The following CAPN13 variants were observed in gnomAD, a reference collection of about 807,000 sequenced individuals.
CAPN13 encodes calpain 13.
In CAPN13, 90 loss-of-function variants were observed where a neutral mutation model predicts 98.4. The ratio of observed to expected loss-of-function variants is 0.92; its 90% confidence interval spans 0.77 to 1.09. The LOEUF (loss-of-function observed/expected upper bound fraction) is 1.09. Ranked by LOEUF, CAPN13 falls within the 50% of genes least tolerant of loss-of-function variation. The pLI, the probability that CAPN13 is intolerant of heterozygous loss-of-function variation, is 0.00. For synonymous variants in CAPN13, 330 were observed against 305.5 expected, an observed-to-expected ratio of 1.08 and a Z score of -0.84; for missense variants, 887 against 841.3, an observed-to-expected ratio of 1.05 and a Z score of -0.67.
chr2:30,799,764 G>A (rs757096003), intron 1 of CAPN13, among the ~76,000 whole-genome samples: 1 of 152,122 alleles, frequency 6.6e-6, no homozygotes, highest in Non-Finnish European at 1.5e-5. Flanking sequence ...AACCTCTCTC[G>A]TGTCTTCAGA....
intron 5 of CAPN13, among the ~76,000 whole-genome samples, chr2:30,767,371 A>C (rs994504138): frequency 6.6e-6 from 1 of 152,200 alleles, no homozygotes; most frequent in African/African-American, 2.4e-5. Context: ...TAAGCAGTAG[A>C]ATGCGGATGC....
At chr2:30,776,596 G>C (rs1273339239) in intron 3 of CAPN13, among the ~76,000 whole-genome samples, 2 of 152,164 alleles carry the variant, frequency 1.3e-5, no homozygotes, top group Non-Finnish European at 2.9e-5. Flanking sequence ...ACTGATTCGC[G>C]TTTTTCTTTG....
intron 9 of CAPN13, 121 bp downstream of exon 9, chr2:30,754,169 C>T (rs1672319790): frequency 4.5e-6 from 3 of 674,110 alleles, no homozygotes; most frequent in African/African-American, 3.8e-5. Context: ...AAATAGGCTC[C>T]CTCTAAACAG....
At chr2:30,805,970 G>A (rs1349893569) in intron 1 of CAPN13, among the ~76,000 whole-genome samples, 2 of 151,932 alleles carry the variant, frequency 1.3e-5, no homozygotes, top group Non-Finnish European at 2.9e-5. Flanking sequence ...TGTAGAGACA[G>A]GGTTTCACCA....
chr2:30,746,662 T>C (rs578037421), intron 11 of CAPN13: 4 of 205,710 alleles, frequency 1.9e-5, no homozygotes, highest in South Asian at 1.6e-4. Flanking sequence ...AATGGATCAA[T>C]GAGGATAACC....
In CAPN13 at chr2:30,741,342, A is replaced by G. The variant is rs1208978934; in HGVS notation, c.1536+566T>C. 4 of 970,598 alleles carry G rather than the reference A, an allele frequency of 4.1e-6. No individual in the cohort carries two copies. In the Admixed American group the frequency reaches 1.8e-4, roughly 44 times the overall value. 60.1% of individuals were successfully genotyped at this position (970,598 alleles called of 1,614,324 possible). A position where few individuals can be genotyped will look rare whatever the true frequency, so the allele number is the denominator to read the frequency against. ...CGGCAGGGTAGAGATGATCATCGGT[A>G]TCACTTTCCACTTTCCACACTAACA... is the stretch of plus-strand genomic sequence containing the variant. On this transcript the variant is annotated intron_variant, in intron 15 of 22. Transcript: ENST00000295055.
At chr2:30,784,434 T>C (rs546925118) in intron 2 of CAPN13, among the ~76,000 whole-genome samples, 2 of 152,334 alleles carry the variant, frequency 1.3e-5, no homozygotes, top group African/African-American at 4.8e-5. Context: ...TAGACTGTGC[T>C]AGACACTATT....
At chr2:30,795,055 T>C (rs965470649) in intron 1 of CAPN13, among the ~76,000 whole-genome samples, 2 of 152,044 alleles carry the variant, frequency 1.3e-5, no homozygotes, top group Non-Finnish European at 2.9e-5. Context: ...TTAAATGCTA[T>C]ATATAATTTA....
Position 30,748,164 on chromosome 2 carries a change from T to C in CAPN13, c.1237-2430A>G, listed in dbSNP as rs144896136. On this transcript the variant is annotated intron_variant, in intron 11 of 22. Transcript: ENST00000295055. ...GAAGAGTTGGCTGAGATGTTTCTAG[T>C]AGGCCTCTTTGGTGCTTGACCTGGT... is the stretch of plus-strand genomic sequence containing the variant. 2.0e-5 allele frequency among the ~76,000 whole-genome samples: 3 copies of C among 152,340 alleles called. No homozygotes were observed. The East Asian group carries it at 5.8e-4, about 29-fold the overall frequency.
chr2:30,754,269 T>G, intron 9 of CAPN13, 21 bp downstream of exon 9: 1 of 1,574,462 alleles, frequency 6.4e-7, no homozygotes. Context: ...TAAAACACCA[T>G]TGTATAAGAA....
At position 30,741,976 on chromosome 2, in the gene CAPN13, G is replaced by A. The variant is rs1271570554; in HGVS notation, c.1480-12C>T. ...TCTGAAGGGCTTCCCTGGATCAAAG[G>A]GAAAATAGTCAATGTTAGACTTCTG... is the stretch of plus-strand genomic sequence containing the variant. On this transcript the variant is annotated splice_polypyrimidine_tract_variant and intron_variant, in intron 14 of 22. Coordinates refer to ENST00000295055, the MANE Select transcript of CAPN13 (RefSeq NM_144575.3). The A allele has an allele frequency of 6.2e-7, 1 of 1,612,702 alleles. No homozygotes were observed. Among genetic ancestry groups the A allele is most frequent in the Non-Finnish European group, 8.5e-7 (1 of 1,178,846 alleles).
chr2:30,796,129 C>CAT lies in CAPN13; in HGVS notation c.-32-8774_-32-8773dup, dbSNP rs1313779556. The stretch of plus-strand genomic sequence containing the variant: ...TCCTTACTTTGCAGGAAGAGAATTA[C>CAT]ATATATATATGTGTGTATATATATA... On this transcript the variant is annotated intron_variant, in intron 1 of 22. Coordinates refer to ENST00000295055, the MANE Select transcript of CAPN13 (RefSeq NM_144575.3). 3.6e-5 allele frequency among the ~76,000 whole-genome samples: 5 copies of CAT among 137,408 alleles called. No individual in the cohort carries two copies. In the East Asian group the frequency reaches 8.1e-4, roughly 22 times the overall value. The allele number at this position is 137,408 out of a possible 152,430, so 90.1% of individuals were successfully genotyped here.
At chr2:30,732,341 CT>C (rs1444108627) in intron 20 of CAPN13, 96 bp downstream of exon 20, 4 of 1,509,960 alleles carry the variant, frequency 2.6e-6, no homozygotes, top group Non-Finnish European at 3.6e-6. Flanking sequence ...CTGCTGAGGC[CT>C]CACGCAGACC....
At chr2:30,733,063 GC>G (rs905705947) in intron 19 of CAPN13, among the ~76,000 whole-genome samples, 3 of 152,178 alleles carry the variant, frequency 2.0e-5, no homozygotes, top group Admixed American at 2.0e-4. Flanking sequence ...GCAGAAGGTG[GC>G]CTCAGGCAGG....
intron 6 of CAPN13, among the ~76,000 whole-genome samples, chr2:30,763,599 AG>A (rs1330573677): frequency 6.6e-6 from 1 of 152,266 alleles, no homozygotes; most frequent in Non-Finnish European, 1.5e-5. Flanking sequence ...AGATGAAGGA[AG>A]CATCCCCATG....
At chr2:30,742,848 A>C (rs556309535) in intron 13 of CAPN13, among the ~76,000 whole-genome samples, 1 of 150,916 alleles carries the variant, frequency 6.6e-6, no homozygotes, top group South Asian at 2.1e-4. Context: ...TCCATGATGG[A>C]CTCTTTCTTT....
intron 7 of CAPN13, among the ~76,000 whole-genome samples, chr2:30,761,739 G>A (rs1572836432): frequency 6.6e-6 from 1 of 152,126 alleles, no homozygotes; most frequent in African/African-American, 2.4e-5. Context: ...ATTACCTATC[G>A]TCCAAAAAGC....
chr2:30,746,367 G>A (rs1340945657), intron 11 of CAPN13: 1 of 153,266 alleles, frequency 6.5e-6, no homozygotes, highest in Non-Finnish European at 1.5e-5. Context: ...ATCTGCAGAC[G>A]AGTTTTAACA....
chr2:30,751,525 A>T (rs1672176513), intron 10 of CAPN13, among the ~76,000 whole-genome samples: 1 of 152,234 alleles, frequency 6.6e-6, no homozygotes, highest in South Asian at 2.1e-4. Context: ...TTATAATGAT[A>T]AGTGAAATTC....
Sources: allele counts gnomAD v4.1 joint callset (sites outside exome capture counted in the v4.1 genomes callset), GRCh38; gene constraint gnomAD v4.1.1; transcripts MANE v1.5; gene names NCBI Gene and HGNC (gene_info 2026-07-23, HGNC 2026-07-21).